Variants in TPX2 observed in about 807,000 individuals in gnomAD.
The protein encoded by TPX2 is targeting protein for Xklp2.
In TPX2, 21 loss-of-function variants were observed where a neutral mutation model predicts 93.6. The ratio of observed to expected loss-of-function variants is 0.22; its 90% CI spans 0.16 to 0.32. The LOEUF is 0.32. TPX2 is among the 10% of genes least tolerant of loss of function. TPX2 has a pLI of 1.00. For synonymous variants in TPX2, 281 were observed against 298.3 expected (o/e 0.94, Z 0.60); for missense variants, 776 against 871.1 (o/e 0.89, Z 1.37).
In TPX2 at chr20:31,801,281, A is replaced by T; in HGVS notation, c.*201A>T. ...TTTTCTTACATTACTAAGGCTAATA[A>T]TGAGATGTAACTCATGAATGTCTCG... On this transcript the variant is annotated 3_prime_UTR_variant, in exon 18 of 18. Transcript: ENST00000300403. 1.9e-6 allele frequency: 1 copy of T among 539,228 alleles called. No individual in the cohort carries two copies. Among genetic ancestry groups the T allele is most frequent in the Middle Eastern group, 5.0e-4 (1 of 1,996 alleles). 33.4% of individuals were successfully genotyped at this position (539,228 alleles called of 1,614,324 possible). A position where few individuals can be genotyped will look rare whatever the true frequency, so the allele number is the denominator to read the frequency against.
At chr20:31,775,767 T>A in intron 7 of TPX2, 100 bp from the exon 8 acceptor site, 2 of 1,233,770 alleles carry the variant, frequency 1.6e-6, no homozygotes, top group Non-Finnish European at 2.1e-6. Context: ...ATGATTATCT[T>A]ATCACAGGTT....
At chr20:31,752,224 G>A (rs927761343) in intron 2 of TPX2, among the ~76,000 whole-genome samples, 1 of 152,148 alleles carries the variant, frequency 6.6e-6, no homozygotes, top group African/African-American at 2.4e-5. Flanking sequence ...GACTGCCATA[G>A]CTCCAGCTTG....
chr20:31,781,748 G>A (rs1381901036), intron 10 of TPX2, among the ~76,000 whole-genome samples: 1 of 151,912 alleles, frequency 6.6e-6, no homozygotes, highest in East Asian at 2.0e-4. Flanking sequence ...TTCAAGACCA[G>A]CCTGGGCAAC....
intron 17 of TPX2, among the ~76,000 whole-genome samples, chr20:31,799,037 A>G (rs919148159): frequency 6.6e-6 from 1 of 152,244 alleles, no homozygotes; most frequent in Admixed American, 6.5e-5. Flanking sequence ...TTAGACAAGA[A>G]TACATAGCGA....
At chr20:31,762,814 A>G (rs558576846) in intron 4 of TPX2, among the ~76,000 whole-genome samples, 1 of 152,124 alleles carries the variant, frequency 6.6e-6, no homozygotes, top group East Asian at 1.9e-4. Context: ...TCAAATTTAA[A>G]TTTTATTTTA....
chr20:31,785,995 A>T (rs1031206251), intron 12 of TPX2, among the ~76,000 whole-genome samples: 20 of 152,370 alleles, frequency 1.3e-4, no homozygotes, highest in African/African-American at 4.8e-4. Context: ...GTAAATGGAA[A>T]ACCAGTACCT....
intron 4 of TPX2, among the ~76,000 whole-genome samples, chr20:31,763,906 C>G (rs1179583495): frequency 2.0e-5 from 3 of 151,340 alleles, no homozygotes; most frequent in Non-Finnish European, 4.4e-5. Context: ...GTAGTCCCAG[C>G]TACTCGGGAG....
rs2062008856 is a variant in TPX2, at chr20:31,777,582, G to A, written c.826G>A (p.Glu276Lys). ...ERIKQHPKNQ[E>K]EYKEVNFTSE... ...AATCAAACAACATCCTAAGAACCAGGAGGAATATAAGGAAGTGAACTTTAC... is the reference window on the plus strand; with the variant it reads ...AATCAAACAACATCCTAAGAACCAGAAGGAATATAAGGAAGTGAACTTTAC... The change falls in exon 9 of 18, where the codon GAG becomes AAG. Residue 276 changes from glutamate (E) to lysine (K), a missense_variant. Glu to Lys is a moderately conservative substitution (Grantham distance 56). Around this residue, in one of 3 missense-constraint regions of TPX2, gnomAD observed 279 missense variants for 261.6 expected, o/e 1.07. Coordinates refer to ENST00000300403, the MANE Select transcript of TPX2 (RefSeq NM_012112.5). 6.2e-7 allele frequency: 1 copy of A among 1,614,012 alleles called. No individual in the cohort carries two copies. Among genetic ancestry groups the A allele is most frequent in the African/African-American group, 1.3e-5 (1 of 74,934 alleles).
At chr20:31,793,421 G>T (rs536440480) in intron 13 of TPX2, among the ~76,000 whole-genome samples, 1 of 152,178 alleles carries the variant, frequency 6.6e-6, no homozygotes, top group Non-Finnish European at 1.5e-5. Flanking sequence ...AAAATACGCA[G>T]TAATCTTGTG....
At chr20:31,763,573 G>GT (rs1206557701) in intron 4 of TPX2, among the ~76,000 whole-genome samples, 1 of 151,992 alleles carries the variant, frequency 6.6e-6, no homozygotes, top group Non-Finnish European at 1.5e-5. Flanking sequence ...ATCTCAGACT[G>GT]TAATTATGGA....
intron 2 of TPX2, among the ~76,000 whole-genome samples, chr20:31,742,856 T>C (rs575193589): frequency 3.0e-4 from 45 of 152,332 alleles, no homozygotes; most frequent in African/African-American, 1.1e-3. Flanking sequence ...TTTTTTTCTA[T>C]GTCTATATAG....
intron 10 of TPX2, among the ~76,000 whole-genome samples, chr20:31,781,253 CTTTTTTTTTT>C (rs1007150417): frequency 8.6e-6 from 1 of 116,774 alleles, no homozygotes; most frequent in South Asian, 2.8e-4. Flanking sequence ...GGCCTTATAT[CTTTTTTTTTT>C]TTTTTTTTTT....
intron 4 of TPX2, among the ~76,000 whole-genome samples, chr20:31,764,268 C>T (rs2061910742): frequency 6.6e-6 from 1 of 152,054 alleles, no homozygotes; most frequent in Non-Finnish European, 1.5e-5. Context: ...CTCCTGGGCA[C>T]AGGTGATCCT....
rs765852539 is a variant in TPX2 at position 31,794,510 on chromosome 20, A to G, written c.1795A>G (p.Arg599Gly). The stretch of plus-strand genomic sequence containing the variant: ...TGAACCTTTCTGCTTGGAGACTGAC[A>G]GAAGAGGTGCTCTGAAGGCACAGAC... ...QIEPFCLETD[R>G]RGALKAQTWK... Residue 599 changes from arginine to glycine, a missense_variant, in exon 15 of 18, where the codon AGA becomes GGA. Transcript: ENST00000300403. The G allele has an allele frequency of 3.1e-6, 5 of 1,614,102 alleles. No individual in the cohort carries two copies. Among genetic ancestry groups the G allele is most frequent in the Non-Finnish European group, 4.2e-6 (5 of 1,180,030 alleles).
At chr20:31,780,120 C>T (rs1456317155) in intron 10 of TPX2, among the ~76,000 whole-genome samples, 2 of 151,978 alleles carry the variant, frequency 1.3e-5, no homozygotes, top group Non-Finnish European at 2.9e-5. Flanking sequence ...GGCGCGATCT[C>T]GACTCACTGC....
At chr20:31,784,542 A>G (rs1173546815) in intron 12 of TPX2, among the ~76,000 whole-genome samples, 1 of 152,170 alleles carries the variant, frequency 6.6e-6, no homozygotes, top group Non-Finnish European at 1.5e-5. Flanking sequence ...TCTCCATTAC[A>G]TGATAGAATT....
At position 31,794,514 on chromosome 20, in the gene TPX2, G is replaced by T. The variant is rs764486833; in HGVS notation, c.1799G>T (p.Arg600Ile). 4 of 1,613,926 alleles carry T rather than the reference G, an allele frequency of 2.5e-6. No homozygotes were observed. Among genetic ancestry groups the T allele is most frequent in the Non-Finnish European group, 3.4e-6 (4 of 1,180,030 alleles). ...CCTTTCTGCTTGGAGACTGACAGAA[G>T]AGGTGCTCTGAAGGCACAGACTTGG... ...IEPFCLETDR[R>I]GALKAQTWKH... Residue 600 changes from arginine to isoleucine, a missense_variant, in exon 15 of 18, where the codon AGA (arginine) becomes ATA (isoleucine). By Grantham distance (97) the Arg-to-Ile change is moderately conservative. Coordinates refer to ENST00000300403, the MANE Select transcript of TPX2 (RefSeq NM_012112.5).
At chr20:31,747,438 C>CTA (rs939386735) in intron 2 of TPX2, among the ~76,000 whole-genome samples, 1 of 135,636 alleles carries the variant, frequency 7.4e-6, no homozygotes, top group East Asian at 1.9e-4. Flanking sequence ...ATCTCTATCT[C>CTA]TGTCTGTCTG....
At chr20:31,741,058 G>A (rs1568917133) in intron 1 of TPX2, among the ~76,000 whole-genome samples, 1 of 152,076 alleles carries the variant, frequency 6.6e-6, no homozygotes, top group Non-Finnish European at 1.5e-5. Context: ...TTAATTTATT[G>A]CAATTAAGTT....
Sources: gnomAD v4.1 joint callset for allele counts (sites outside exome capture counted in the v4.1 genomes callset) on GRCh38, gnomAD v4.1.1 for gene constraint, gnomAD v4.1.1 regional missense constraint, MANE v1.5 for transcripts, NCBI Gene and HGNC (gene_info 2026-07-23, HGNC 2026-07-21) for gene names.